The following AREL1 variants were observed in gnomAD, a reference collection of about 807,000 sequenced individuals.
AREL1 encodes apoptosis resistant E3 ubiquitin protein ligase 1.
In AREL1, 62 loss-of-function variants were observed where a neutral mutation model predicts 99.0. The observed-to-expected ratio is 0.63, with a 90% CI of 0.51 to 0.77. The LOEUF is 0.77. Among genes scored for constraint, AREL1 ranks in the 30% least tolerant of loss-of-function variants. The pLI is 0.00. For missense variants in AREL1, 879 were observed against 1,027.6 expected (o/e 0.86, Z 1.98); for synonymous variants, 380 against 376.5 (o/e 1.01, Z -0.11).
chr14:74,689,054 G>T (rs1446455823), intron 2 of AREL1, among the ~76,000 whole-genome samples: 1 of 150,710 alleles, frequency 6.6e-6, no homozygotes, highest in Admixed American at 6.6e-5. Flanking sequence ...CACCATGTCA[G>T]CCAGGCTGCT....
intron 1 of AREL1, among the ~76,000 whole-genome samples, chr14:74,701,262 A>G (rs886727110): frequency 2.0e-5 from 3 of 152,230 alleles, no homozygotes; most frequent in Non-Finnish European, 4.4e-5. Context: ...CAAACATGAA[A>G]AAAAAGATAT....
intron 5 of AREL1, 122 bp downstream of exon 5, chr14:74,683,174 G>T: frequency 2.8e-6 from 2 of 726,958 alleles, no homozygotes; most frequent in South Asian, 1.9e-5. Context: ...ACTTTAAAAG[G>T]ATGAATTTTA....
chr14:74,671,236 T>G (rs1250827112), intron 12 of AREL1, among the ~76,000 whole-genome samples, 172 bp downstream of exon 12: 1 of 151,744 alleles, frequency 6.6e-6, no homozygotes, highest in Non-Finnish European at 1.5e-5. Flanking sequence ...ACTACCCTTT[T>G]TTTCTTGACT....
intron 18 of AREL1, 47 bp from the exon 19 acceptor site, chr14:74,664,121 AG>A: frequency 6.3e-7 from 1 of 1,581,464 alleles, no homozygotes; most frequent in Non-Finnish European, 8.6e-7. Context: ...TAAACAAGCT[AG>A]GATTAGATCC....
Position 74,664,788 on chromosome 14 carries a change from C to T in AREL1, c.2193+48G>A, listed in dbSNP as rs767048334. 12 of 1,563,934 alleles carry T rather than the reference C, an allele frequency of 7.7e-6. No homozygotes were observed. The Admixed American group carries it at 2.0e-4, about 26-fold the overall frequency. On this transcript the variant is annotated intron_variant, in intron 18 of 19. Transcript: ENST00000356357. ...CTACTTTTTTCTTCTGAAACTTTTTCCTTATAACATGGCACAAATCCAACT... is the reference window on the plus strand; with the variant it reads ...CTACTTTTTTCTTCTGAAACTTTTTTCTTATAACATGGCACAAATCCAACT...
intron 11 of AREL1, 51 bp from the exon 12 acceptor site, chr14:74,671,534 C>T (rs763996462): frequency 1.5e-6 from 2 of 1,304,122 alleles, no homozygotes; most frequent in African/African-American, 3.0e-5. Flanking sequence ...CTGGTGTCCT[C>T]TGGATGTTAA....
chr14:74,666,724 T>TC (rs1362759335), intron 17 of AREL1, among the ~76,000 whole-genome samples: 1 of 151,204 alleles, frequency 6.6e-6, no homozygotes, highest in African/African-American at 2.4e-5. Context: ...ATTGATTTTT[T>TC]TTTTTTTTTT....
At chr14:74,696,955 C>T (rs904372954) in intron 1 of AREL1, among the ~76,000 whole-genome samples, 1 of 152,026 alleles carries the variant, frequency 6.6e-6, no homozygotes, top group Non-Finnish European at 1.5e-5. Context: ...CAAAGCAAGA[C>T]TTCGTCTCAA....
At chr14:74,667,252 C>A (rs2089228490) in intron 17 of AREL1, 67 bp downstream of exon 17, 10 of 1,589,964 alleles carry the variant, frequency 6.3e-6, no homozygotes, top group Non-Finnish European at 7.8e-6. Context: ...GAAGGTACAC[C>A]AAGCTGGTTC....
intron 1 of AREL1, among the ~76,000 whole-genome samples, chr14:74,712,232 A>G (rs1419704920): frequency 1.3e-5 from 2 of 152,150 alleles, no homozygotes; most frequent in African/African-American, 4.8e-5. Context: ...AGAAGGTAAT[A>G]TGAATAAAGT....
At chr14:74,672,101 G>A in intron 11 of AREL1, 1 of 395,062 alleles carries the variant, frequency 2.5e-6, no homozygotes, top group African/African-American at 2.1e-5. Context: ...TCAGACCAAA[G>A]TGACAACAAA....
chr14:74,670,425 T>C (rs1156530086), intron 13 of AREL1, among the ~76,000 whole-genome samples: 1 of 152,230 alleles, frequency 6.6e-6, no homozygotes, highest in East Asian at 1.9e-4. Flanking sequence ...TCTCTACTCC[T>C]GACACCTTTG....
chr14:74,662,881 G>A lies in AREL1; in HGVS notation c.*839C>T, dbSNP rs541095967. 12 of 339,508 alleles carry A rather than the reference G, an allele frequency of 3.5e-5. No homozygotes were observed. The highest frequency in any genetic ancestry group is 1.5e-4 in the South Asian group (1 of 6,492). 21.0% of individuals were successfully genotyped at this position (339,508 alleles called of 1,614,324 possible). On this transcript the variant is annotated 3_prime_UTR_variant, in exon 20 of 20. Coordinates refer to ENST00000356357, the MANE Select transcript of AREL1 (RefSeq NM_001039479.2). ...AATGGGGAAGTCAGTGGCCCAAGCC[G>A]GCCATACTTCAGTGCCAATAACAAA...
intron 5 of AREL1, among the ~76,000 whole-genome samples, chr14:74,679,661 T>C (rs1366639274): frequency 6.6e-6 from 1 of 151,772 alleles, no homozygotes; most frequent in African/African-American, 2.4e-5. Flanking sequence ...ACCCCATCTC[T>C]ACTAAAAACA....
chr14:74,686,673 G>A (rs1363342037), intron 2 of AREL1, among the ~76,000 whole-genome samples: 1 of 151,998 alleles, frequency 6.6e-6, no homozygotes, highest in Non-Finnish European at 1.5e-5. Flanking sequence ...TTTTTTCAGG[G>A]TGTGTTTTTA....
intron 17 of AREL1, among the ~76,000 whole-genome samples, chr14:74,667,112 A>G (rs530746702): frequency 1.3e-5 from 2 of 152,284 alleles, no homozygotes; most frequent in East Asian, 3.9e-4. Context: ...CCTTAAGCTA[A>G]TATCTCTGCA....
intron 1 of AREL1, among the ~76,000 whole-genome samples, chr14:74,711,232 T>C (rs1169177057): frequency 9.3e-5 from 8 of 86,244 alleles, no homozygotes; most frequent in Middle Eastern, 0.014. Flanking sequence ...ACTAACTCCG[T>C]CTCAAAAAAA....
intron 11 of AREL1, chr14:74,671,922 C>A (rs934988491): frequency 4.1e-5 from 18 of 436,182 alleles, no homozygotes; most frequent in Non-Finnish European, 7.9e-5. Flanking sequence ...GCGAGCCATG[C>A]CACACGGAGA....
At chr14:74,679,570 T>G (rs1262722386) in intron 5 of AREL1, among the ~76,000 whole-genome samples, 2 of 152,158 alleles carry the variant, frequency 1.3e-5, no homozygotes, top group Non-Finnish European at 2.9e-5. Context: ...TTCATGCCTG[T>G]AATCCTAGCA....
Sources: allele counts gnomAD v4.1 joint callset (sites outside exome capture counted in the v4.1 genomes callset), GRCh38; gene constraint gnomAD v4.1.1; transcripts MANE v1.5; gene names NCBI Gene and HGNC (gene_info 2026-07-23, HGNC 2026-07-21).